The following TRIM38 variants were observed in gnomAD, a reference collection of about 807,000 sequenced individuals.
TRIM38 encodes tripartite motif containing 38.
Under a neutral mutation model 35.8 loss-of-function variants are expected in TRIM38, and 35 were observed. That is an observed-to-expected ratio of 0.98 (90% CI 0.75 to 1.30). The LOEUF is 1.30. TRIM38 is among the 50% of genes most tolerant of loss of function. The pLI is 0.00. For synonymous variants in TRIM38, 198 were observed against 204.7 expected, an observed-to-expected ratio of 0.97 and a Z score of 0.28; for missense variants, 545 against 556.9, an observed-to-expected ratio of 0.98 and a Z score of 0.21.
In TRIM38 at chr6:25,966,820, T is replaced by G; in HGVS notation, c.298T>G (p.Phe100Val). ...EMSCEEHGEQ[F>V]HLFCEDEGQL... ...GTCATGTGAGGAACACGGAGAGCAGTTCCACCTGTTCTGCGAAGACGAGGG... is the reference window on the plus strand; with the variant it reads ...GTCATGTGAGGAACACGGAGAGCAGGTCCACCTGTTCTGCGAAGACGAGGG... The change falls in exon 3 of 8, where the codon TTC becomes GTC. Residue 100 changes from phenylalanine (F) to valine (V), a missense_variant. By Grantham distance (50) the Phe-to-Val change is conservative (BLOSUM62 -1). Transcript: ENST00000357085. 6.2e-7 allele frequency: 1 copy of G among 1,614,162 alleles called. No individual in the cohort carries two copies. Among genetic ancestry groups the G allele is most frequent in the Non-Finnish European group, 8.5e-7 (1 of 1,180,026 alleles).
intron 7 of TRIM38, chr6:25,975,743 T>C: frequency 1.3e-5 from 12 of 940,040 alleles, no homozygotes; most frequent in Non-Finnish European, 1.5e-5. Context: ...CTCTTCTATG[T>C]TACTCGTTAC....
intron 4 of TRIM38, among the ~76,000 whole-genome samples, chr6:25,969,880 C>G (rs1760175259): frequency 6.6e-6 from 1 of 152,070 alleles, no homozygotes; most frequent in Non-Finnish European, 1.5e-5. Flanking sequence ...TCATACTACT[C>G]TAGCTCATGA....
Position 25,973,595 on chromosome 6 carries a change from T to A in TRIM38, c.874+310T>A, listed in dbSNP as rs1358422095. The A allele has an allele frequency of 3.1e-6, 3 of 977,572 alleles. No individual in the cohort carries two copies. The African/African-American group carries it at 5.3e-5, about 17-fold the overall frequency. 60.6% of individuals were successfully genotyped at this position (977,572 alleles called of 1,614,324 possible). A position where few individuals can be genotyped will look rare whatever the true frequency, so the allele number is the denominator to read the frequency against. On this transcript the variant is annotated intron_variant, in intron 7 of 7. Transcript: ENST00000357085. Reference sequence around the variant, plus strand: ...CAGCTCCTACTTCATTGAGTTATCATCAAAATTAAATGCATCAACATGTAC... The same window carrying A: ...CAGCTCCTACTTCATTGAGTTATCAACAAAATTAAATGCATCAACATGTAC...
intron 5 of TRIM38, among the ~76,000 whole-genome samples, chr6:25,972,399 T>C (rs1760264707): frequency 6.6e-6 from 1 of 152,164 alleles, no homozygotes; most frequent in Non-Finnish European, 1.5e-5. Context: ...AGGTGACTGA[T>C]GGGTGATGAA....
rs1561906506 is a variant in TRIM38 at position 25,988,480 on chromosome 6, C to CTTTTTTTTT, written c.*4799_*4800insTTTTTTTTT. 1.4e-5 allele frequency: 1 copy of CTTTTTTTTT among 73,858 alleles called. No individual in the cohort carries two copies. Among genetic ancestry groups the CTTTTTTTTT allele is most frequent in the African/African-American group, 5.6e-5 (1 of 17,832 alleles). 4.6% of individuals were successfully genotyped at this position (73,858 alleles called of 1,614,324 possible). ...GATCGTTTCTTTTCTTTTTCTTTTT[C>CTTTTTTTTT]TTTTTTCTTTTCTTTCTTTTTTTTT... On this transcript the variant is annotated 3_prime_UTR_variant, in exon 8 of 8. Coordinates refer to ENST00000357085, the MANE Select transcript of TRIM38 (RefSeq NM_006355.5).
chr6:25,965,666 C>T (rs932768507), intron 2 of TRIM38, among the ~76,000 whole-genome samples: 2 of 152,052 alleles, frequency 1.3e-5, no homozygotes, highest in Admixed American at 6.5e-5. Context: ...TGGCTCATGC[C>T]TGTAATCCTG....
intron 7 of TRIM38, among the ~76,000 whole-genome samples, chr6:25,980,551 G>A (rs959333783): frequency 1.3e-5 from 2 of 152,012 alleles, no homozygotes; most frequent in Non-Finnish European, 2.9e-5. Context: ...CTCCCAAGTA[G>A]CTGGGATTAC....
intron 7 of TRIM38, among the ~76,000 whole-genome samples, chr6:25,979,817 A>G (rs1760496435): frequency 6.6e-6 from 1 of 152,028 alleles, no homozygotes; most frequent in South Asian, 2.1e-4. Context: ...TTTTTCTAAG[A>G]TAAGCATTTA....
rs1760286416 is a variant in TRIM38, at chr6:25,973,058, T to C, written c.743T>C (p.Val248Ala). 3.7e-6 allele frequency: 6 copies of C among 1,614,032 alleles called. No individual in the cohort carries two copies. Among genetic ancestry groups the C allele is most frequent in the Non-Finnish European group, 5.1e-6 (6 of 1,180,028 alleles). The change falls in exon 6 of 8, where the codon GTG becomes GCG. Residue 248 changes from valine (V) to alanine (A), a missense_variant. By Grantham distance (64) the Val-to-Ala change is moderately conservative. Coordinates refer to ENST00000357085, the MANE Select transcript of TRIM38 (RefSeq NM_006355.5). ...TTTCTTTTTGTTTCTTTATAGAATG[T>C]GAATGACACTTTGAGCAGGTAAGTC... The part of the protein sequence containing the change: ...QGSAQKLLQN[V>A]NDTLSRSWAV...
chr6:25,980,336 A>G (rs1175096114), intron 7 of TRIM38, among the ~76,000 whole-genome samples: 1 of 152,200 alleles, frequency 6.6e-6, no homozygotes, highest in Non-Finnish European at 1.5e-5. Context: ...GTATATTAAC[A>G]CAATTCTAAA....
chr6:25,963,971 T>C (rs1013830668), intron 2 of TRIM38, among the ~76,000 whole-genome samples: 1 of 151,744 alleles, frequency 6.6e-6, no homozygotes, highest in African/African-American at 2.4e-5. Context: ...CCAGTGTTGG[T>C]TGTTGTTCTT....
chr6:25,978,982 A>T (rs1280198558), intron 7 of TRIM38, among the ~76,000 whole-genome samples: 1 of 152,100 alleles, frequency 6.6e-6, no homozygotes, highest in Non-Finnish European at 1.5e-5. Flanking sequence ...TATTGTACAC[A>T]TTTTTGATGT....
Position 25,966,942 on chromosome 6 carries a change from G to A in TRIM38, c.411+9G>A. 6.3e-7 allele frequency: 1 copy of A among 1,590,366 alleles called. No individual in the cohort carries two copies. The highest frequency in any genetic ancestry group is 8.6e-7 in the Non-Finnish European group (1 of 1,164,128). On this transcript the variant is annotated intron_variant, in intron 3 of 7. Transcript: ENST00000357085. ...TATGCCAGGGCTACAAGGTGAGTGT[G>A]TGGGCCCGGGAGCTTTGGTAAGTAC...
intron 7 of TRIM38, chr6:25,973,504 CT>C: frequency 1.0e-6 from 1 of 985,120 alleles, no homozygotes; most frequent in Non-Finnish European, 1.2e-6. Flanking sequence ...AATTCTTATT[CT>C]TTCACTTATT....
chr6:25,977,722 G>C lies in TRIM38; in HGVS notation c.874+4437G>C, dbSNP rs182659857. Among the ~76,000 whole-genome samples, 62 of 151,694 alleles carry C rather than the reference G, an allele frequency of 4.1e-4. No homozygotes were observed. In the East Asian group the frequency reaches 0.011, roughly 28 times the overall value. Reference sequence around the variant, plus strand: ...GGAGGAAGAGAAAGAGGTGGGGGAGGGGAAGGAAGAGAAAGAAGAAGAAAG... The same window carrying C: ...GGAGGAAGAGAAAGAGGTGGGGGAGCGGAAGGAAGAGAAAGAAGAAGAAAG... On this transcript the variant is annotated intron_variant, in intron 7 of 7. Coordinates refer to ENST00000357085, the MANE Select transcript of TRIM38 (RefSeq NM_006355.5).
At chr6:25,975,760 T>A (rs1000074104) in intron 7 of TRIM38, 1 of 885,768 alleles carries the variant, frequency 1.1e-6, no homozygotes, top group Non-Finnish European at 1.4e-6. Flanking sequence ...TTACTTTTTA[T>A]GTCTAATATT....
Position 25,980,788 on chromosome 6 carries a change from A to C in TRIM38, c.875-2376A>C, listed in dbSNP as rs537732595. 6.6e-5 allele frequency among the ~76,000 whole-genome samples: 10 copies of C among 152,312 alleles called. No individual in the cohort carries two copies. The South Asian group carries it at 1.5e-3, about 22-fold the overall frequency. ...TATAATACTATAACAGTATATGACT[A>C]TATTATCTATCTTTTAGCTTCCAAT... On this transcript the variant is annotated intron_variant, in intron 7 of 7. Coordinates refer to ENST00000357085, the MANE Select transcript of TRIM38 (RefSeq NM_006355.5).
At position 25,975,662 on chromosome 6, in the gene TRIM38, A is replaced by G. The variant is rs796723214; in HGVS notation, c.874+2377A>G. The G allele has an allele frequency of 9.2e-6, 9 of 977,714 alleles. No individual in the cohort carries two copies. In the African/African-American group the frequency reaches 1.2e-4, roughly 13 times the overall value. The allele number at this position is 977,714 out of a possible 1,614,324, so 60.6% of individuals were successfully genotyped here. ...TCAAGGTTTTTCCCACCCGTCTCCA[A>G]TCTGACTTCTCTAGGTAGGGTGATC... On this transcript the variant is annotated intron_variant, in intron 7 of 7. Transcript: ENST00000357085.
chr6:25,963,463 T>G (rs115908346), intron 2 of TRIM38, among the ~76,000 whole-genome samples, 181 bp downstream of exon 2: 1,934 of 152,160 alleles, frequency 0.013, 79 homozygotes, highest in East Asian at 0.037. Flanking sequence ...TCGCTCCTGG[T>G]CACTCCTCTG....
Sources: gnomAD v4.1 joint callset for allele counts (sites outside exome capture counted in the v4.1 genomes callset) on GRCh38, gnomAD v4.1.1 for gene constraint, MANE v1.5 for transcripts, NCBI Gene and HGNC (gene_info 2026-07-23, HGNC 2026-07-21) for gene names.